UNC13C: variants seen among roughly 807,000 people sequenced by gnomAD.
UNC13C encodes the protein protein unc-13 homolog C.
UNC13C carries 174 observed loss-of-function variants against 245.4 expected under a neutral mutation model. The ratio of observed to expected loss-of-function variants is 0.71; its 90% CI spans 0.63 to 0.80. The LOEUF (loss-of-function observed/expected upper bound fraction) is 0.80, where lower values mean the gene tolerates loss of function less well. Among genes scored for constraint, UNC13C ranks in the 30% least tolerant of loss-of-function variants. UNC13C has a pLI of 0.00. For missense variants in UNC13C, 2,829 were observed against 2,602.9 expected, an observed-to-expected ratio of 1.09 and a Z score of -1.89; for synonymous variants, 992 against 895.1, an observed-to-expected ratio of 1.11 and a Z score of -1.93.
rs1901210006 is a variant in UNC13C, at chr15:54,627,013, T to G, written c.6545T>G (p.Leu2182Trp). 1 of 1,613,308 alleles carries G rather than the reference T, an allele frequency of 6.2e-7. No homozygotes were observed. Among genetic ancestry groups the G allele is most frequent in the African/African-American group, 1.3e-5 (1 of 74,886 alleles). ...LKNISMDETG[L>W]TILRILSQRT... is the part of the protein sequence containing the mutation. ...AATATCTCTATGGATGAAACTGGTT[T>G]GACTATCCTTAGAATACTCTCTCAG... The change falls in exon 33 of 33, where the codon TTG (leucine) becomes TGG (tryptophan). Residue 2182 changes from leucine to tryptophan, a missense_variant. Physicochemically the swap from Leu to Trp is moderately conservative, Grantham distance 61. Coordinates refer to ENST00000260323, the MANE Select transcript of UNC13C (RefSeq NM_001080534.3).
intron 2 of UNC13C, among the ~76,000 whole-genome samples, chr15:54,131,752 T>C (rs1006430447): frequency 1.3e-5 from 2 of 152,204 alleles, no homozygotes; most frequent in African/African-American, 2.4e-5. Flanking sequence ...CTATAAAATA[T>C]GTAAGGACTT....
chr15:54,423,664 T>C (rs2040699429), intron 19 of UNC13C, among the ~76,000 whole-genome samples: 1 of 151,982 alleles, frequency 6.6e-6, no homozygotes, highest in South Asian at 2.1e-4. Context: ...AGGAAAAATA[T>C]AGTAAGAGTT....
chr15:54,061,239 A>C (rs1897819724), intron 2 of UNC13C, among the ~76,000 whole-genome samples: 1 of 152,110 alleles, frequency 6.6e-6, no homozygotes, highest in Admixed American at 6.5e-5. Context: ...AAAGGACTAG[A>C]GTACTAGAAA....
chr15:54,129,879 G>T (rs1009408192), intron 2 of UNC13C, among the ~76,000 whole-genome samples: 1 of 114,026 alleles, frequency 8.8e-6, no homozygotes, highest in Admixed American at 9.4e-5. Context: ...ATAAGTTTAC[G>T]TTATTGTCTT....
intron 22 of UNC13C, among the ~76,000 whole-genome samples, chr15:54,501,894 G>A (rs889515093): frequency 1.1e-4 from 17 of 152,168 alleles, no homozygotes; most frequent in Admixed American, 1.0e-3. Context: ...CTTGTGGGGA[G>A]AAGCAGTAGG....
the UNC13C span, among the ~76,000 whole-genome samples, chr15:53,854,675 C>A: frequency 6.6e-6 from 1 of 152,084 alleles, no homozygotes; most frequent in East Asian, 1.9e-4. Flanking sequence ...TGTACCAGTA[C>A]CATGCTGTTT....
At chr15:54,097,547 G>T (rs1275053610) in intron 2 of UNC13C, among the ~76,000 whole-genome samples, 1 of 152,038 alleles carries the variant, frequency 6.6e-6, no homozygotes, top group Non-Finnish European at 1.5e-5. Flanking sequence ...ATGGAATCTG[G>T]GCCCCAAGTG....
intron 19 of UNC13C, among the ~76,000 whole-genome samples, chr15:54,460,027 G>A (rs1466097414): frequency 6.6e-6 from 1 of 152,078 alleles, no homozygotes; most frequent in Non-Finnish European, 1.5e-5. Flanking sequence ...TGTGTAGACT[G>A]TTTCAGTGGA....
chr15:54,200,472 G>A (rs10444832), intron 4 of UNC13C, among the ~76,000 whole-genome samples: 117,477 of 151,846 alleles, frequency 0.77, 45,693 homozygotes, highest in African/African-American at 0.8. Flanking sequence ...TTGAAATTGT[G>A]TCAAGTACTC....
In UNC13C at chr15:54,585,510, G is replaced by A. The variant is rs76813001; in HGVS notation, c.6106+17563G>A. Among the ~76,000 whole-genome samples the A allele has an allele frequency of 9.2e-3, 1,393 of 152,214 alleles. 18 individuals are homozygous for A. The highest frequency in any genetic ancestry group is 0.031 in the African/African-American group (1,307 of 41,510). ...ATAAATTACCCAGCCTCAGGTATTCGTTTATAGCAATCCAAAATGGACTAA... is the reference window on the plus strand; with the variant it reads ...ATAAATTACCCAGCCTCAGGTATTCATTTATAGCAATCCAAAATGGACTAA... On this transcript the variant is annotated intron_variant, in intron 30 of 32. Coordinates refer to ENST00000260323, the MANE Select transcript of UNC13C (RefSeq NM_001080534.3).
At chr15:54,391,288 G>A (rs1421485161) in intron 17 of UNC13C, among the ~76,000 whole-genome samples, 1 of 152,060 alleles carries the variant, frequency 6.6e-6, no homozygotes, top group Non-Finnish European at 1.5e-5. Context: ...GCTATTAGAA[G>A]TAGTTTTATT....
intron 19 of UNC13C, among the ~76,000 whole-genome samples, chr15:54,453,530 G>T (rs910548207): frequency 3.3e-5 from 5 of 152,154 alleles, no homozygotes; most frequent in African/African-American, 1.2e-4. Context: ...GGATAATCAG[G>T]TTGTTAGATT....
intron 8 of UNC13C, among the ~76,000 whole-genome samples, chr15:54,263,485 C>T (rs2036477727): frequency 6.6e-6 from 1 of 151,870 alleles, no homozygotes; most frequent in Non-Finnish European, 1.5e-5. Context: ...ACAAAAATGC[C>T]CAGAAAGTTG....
At chr15:53,972,255 C>T in the UNC13C span, among the ~76,000 whole-genome samples, 4 of 152,286 alleles carry the variant, frequency 2.6e-5, no homozygotes, top group South Asian at 2.1e-4. Flanking sequence ...GCTTCTTTTT[C>T]CCTGGCCCTA....
Position 54,532,989 on chromosome 15 carries a change from C to T in UNC13C, c.5619C>T (p.Asn1873=), listed in dbSNP as rs1895827078. The T allele has an allele frequency of 6.3e-7, 1 of 1,599,410 alleles. No individual in the cohort carries two copies. The highest frequency in any genetic ancestry group is 1.3e-5 in the African/African-American group (1 of 74,694). The part of the protein sequence containing the change: ...FELNQMRANG[N]TTSNKNSAAM... ...TAAATCAAATGAGAGCAAATGGAAA[C>T]ACCACATCTAATAAGAACAGTGCAG... The change falls in exon 26 of 33, where the codon AAC becomes AAT. Residue 1873 remains asparagine, a synonymous_variant. Coordinates refer to ENST00000260323, the MANE Select transcript of UNC13C (RefSeq NM_001080534.3).
intron 10 of UNC13C, among the ~76,000 whole-genome samples, chr15:54,281,905 G>T (rs2037007338): frequency 6.6e-6 from 1 of 152,104 alleles, no homozygotes; most frequent in Non-Finnish European, 1.5e-5. Context: ...ATATACATAT[G>T]ATACAATTTA....
intron 7 of UNC13C, among the ~76,000 whole-genome samples, chr15:54,242,065 A>G (rs2035868116): frequency 6.6e-6 from 1 of 152,218 alleles, no homozygotes; most frequent in South Asian, 2.1e-4. Flanking sequence ...TTTACTAATT[A>G]TATCATATTT....
chr15:53,901,782 A>ATGTT, the UNC13C span, among the ~76,000 whole-genome samples: 1 of 152,194 alleles, frequency 6.6e-6, no homozygotes, highest in Admixed American at 6.5e-5. Context: ...TTGAGAGTGT[A>ATGTT]TGTTTACTGC....
intron 30 of UNC13C, among the ~76,000 whole-genome samples, chr15:54,612,980 C>T (rs1012264663): frequency 1.3e-5 from 2 of 151,714 alleles, no homozygotes; most frequent in South Asian, 4.2e-4. Context: ...TTGTGCTTGC[C>T]ATGTCACTAT....
Sources: gnomAD v4.1 joint callset for allele counts (sites outside exome capture counted in the v4.1 genomes callset) on GRCh38, gnomAD v4.1.1 for gene constraint, MANE v1.5 for transcripts, NCBI Gene and HGNC (gene_info 2026-07-23, HGNC 2026-07-21) for gene names.